Variants in DTNB observed in about 807,000 individuals in gnomAD.
DTNB encodes the protein DTN-B.
A neutral mutation model predicts 90.7 loss-of-function variants in DTNB; 63 were observed. The observed-to-expected ratio is 0.69, with a 90% CI of 0.57 to 0.86. DTNB has a LOEUF of 0.86. Among genes scored for constraint, DTNB ranks in the 40% least tolerant of loss-of-function variants. DTNB has a pLI of 0.00. For synonymous variants in DTNB, 277 were observed against 286.7 expected (o/e 0.97, Z 0.34); for missense variants, 744 against 807.1 (o/e 0.92, Z 0.95).
intron 16 of DTNB, among the ~76,000 whole-genome samples, chr2:25,416,886 A>C (rs2048129348): frequency 1.3e-5 from 2 of 151,792 alleles, no homozygotes; most frequent in Non-Finnish European, 2.9e-5. Context: ...TTCTGTGTTA[A>C]ATACGCCTAT....
Position 25,552,307 on chromosome 2 carries a change from G to C in DTNB, c.877-20710C>G, listed in dbSNP as rs2056431396. 3.9e-5 allele frequency among the ~76,000 whole-genome samples: 6 copies of C among 152,218 alleles called. 1 individual carries two copies. In the South Asian group the frequency reaches 1.2e-3, roughly 32 times the overall value. ...TGAGAGTGAAAGAGGGATGGAAGGT[G>C]CCACCTCATTGAAAAGCTTTATAGC... is the stretch of plus-strand genomic sequence containing the variant. On this transcript the variant is annotated intron_variant, in intron 8 of 20. Transcript: ENST00000406818.
At chr2:25,503,236 T>A (rs1372837037) in intron 9 of DTNB, among the ~76,000 whole-genome samples, 1 of 152,002 alleles carries the variant, frequency 6.6e-6, no homozygotes, top group Non-Finnish European at 1.5e-5. Context: ...ACGCCTGTAA[T>A]CCCAACACTT....
intron 8 of DTNB, among the ~76,000 whole-genome samples, chr2:25,565,855 C>T (rs747192886): frequency 5.3e-5 from 8 of 152,040 alleles, no homozygotes; most frequent in South Asian, 2.1e-4. Flanking sequence ...AGATTCAAGA[C>T]GTAATAGTCT....
intron 11 of DTNB, 64 bp downstream of exon 11, chr2:25,455,341 G>C: frequency 6.8e-7 from 1 of 1,464,684 alleles, no homozygotes; most frequent in Non-Finnish European, 9.2e-7. Flanking sequence ...ACAACCCCAG[G>C]TAGCAAAGCT....
At chr2:25,626,899 C>A (rs2074281351) in intron 4 of DTNB, among the ~76,000 whole-genome samples, 1 of 152,246 alleles carries the variant, frequency 6.6e-6, no homozygotes, top group Non-Finnish European at 1.5e-5. Context: ...CACAGAACAT[C>A]ACCATTTAAC....
At chr2:25,479,931 G>T (rs945660680) in intron 10 of DTNB, among the ~76,000 whole-genome samples, 5 of 152,178 alleles carry the variant, frequency 3.3e-5, no homozygotes, top group African/African-American at 1.2e-4. Context: ...GTAAGGCTCT[G>T]TGGCTGGCAA....
At chr2:25,661,316 C>T (rs1178476734) in intron 1 of DTNB, among the ~76,000 whole-genome samples, 1 of 152,142 alleles carries the variant, frequency 6.6e-6, no homozygotes, top group Non-Finnish European at 1.5e-5. Context: ...CTGGTATCCA[C>T]GATATGCACA....
intron 2 of DTNB, among the ~76,000 whole-genome samples, chr2:25,648,499 G>A (rs1428091340): frequency 6.6e-6 from 1 of 151,940 alleles, no homozygotes; most frequent in African/African-American, 2.4e-5. Flanking sequence ...TAACAAACCT[G>A]CACATGTACC....
At chr2:25,398,700 T>C (rs1206457890) in intron 16 of DTNB, among the ~76,000 whole-genome samples, 2 of 152,144 alleles carry the variant, frequency 1.3e-5, no homozygotes, top group Non-Finnish European at 2.9e-5. Flanking sequence ...CTGCTCTCTC[T>C]TGCCACTCCC....
intron 16 of DTNB, among the ~76,000 whole-genome samples, chr2:25,395,846 A>G (rs1425944383): frequency 6.6e-6 from 1 of 152,166 alleles, no homozygotes; most frequent in Admixed American, 6.5e-5. Context: ...AATTAATCCT[A>G]CTGAATCTTA....
chr2:25,394,029 T>TA (rs1354306982), intron 16 of DTNB, among the ~76,000 whole-genome samples: 1 of 152,144 alleles, frequency 6.6e-6, no homozygotes, highest in Non-Finnish European at 1.5e-5. Flanking sequence ...AACAGCATGG[T>TA]ACTGGTATAA....
At chr2:25,455,917 T>G (rs1449956850) in intron 10 of DTNB, among the ~76,000 whole-genome samples, 13 of 152,270 alleles carry the variant, frequency 8.5e-5, no homozygotes, top group Non-Finnish European at 1.5e-5. Context: ...TAAGCTTTTG[T>G]GTACATCTAA....
At chr2:25,513,377 G>C (rs1255091109) in intron 9 of DTNB, among the ~76,000 whole-genome samples, 1 of 152,138 alleles carries the variant, frequency 6.6e-6, no homozygotes, top group Non-Finnish European at 1.5e-5. Context: ...ATGAACTAGA[G>C]AACCATTGCT....
At chr2:25,470,826 A>C (rs72851427) in intron 10 of DTNB, among the ~76,000 whole-genome samples, 3,644 of 152,274 alleles carry the variant, frequency 0.024, 139 homozygotes, top group African/African-American at 0.082. Context: ...ACTCTTCTCT[A>C]ATGTGATCCT....
intron 9 of DTNB, among the ~76,000 whole-genome samples, chr2:25,489,709 T>C (rs1222911807): frequency 1.3e-5 from 2 of 151,742 alleles, no homozygotes; most frequent in East Asian, 3.9e-4. Flanking sequence ...AGAAAAAATA[T>C]AGGTCTATGA....
chr2:25,454,741 A>C (rs1001898287), intron 11 of DTNB, among the ~76,000 whole-genome samples: 1 of 152,250 alleles, frequency 6.6e-6, no homozygotes, highest in Non-Finnish European at 1.5e-5. Flanking sequence ...CTGAAGAATC[A>C]GACACATTCT....
chr2:25,521,384 T>A (rs1370818331), intron 9 of DTNB, among the ~76,000 whole-genome samples: 1 of 148,934 alleles, frequency 6.7e-6, no homozygotes, highest in East Asian at 2.0e-4. Flanking sequence ...TGTGTCCCAA[T>A]AATTTTTTTT....
At chr2:25,572,268 C>A (rs2059981833) in intron 8 of DTNB, among the ~76,000 whole-genome samples, 1 of 152,116 alleles carries the variant, frequency 6.6e-6, no homozygotes, top group South Asian at 2.1e-4. Context: ...GAGATCAAGA[C>A]CATCCTAGCT....
chr2:25,661,251 T>C (rs1238659352), intron 1 of DTNB, among the ~76,000 whole-genome samples: 2 of 152,140 alleles, frequency 1.3e-5, no homozygotes, highest in East Asian at 1.9e-4. Flanking sequence ...ATGAGAAAGA[T>C]GAAAAGACAA....
Sources: allele counts gnomAD v4.1 joint callset (sites outside exome capture counted in the v4.1 genomes callset), GRCh38; gene constraint gnomAD v4.1.1; transcripts MANE v1.5; gene names NCBI Gene and HGNC (gene_info 2026-07-23, HGNC 2026-07-21).